Variants in KIF26B observed in about 807,000 individuals in gnomAD.
KIF26B encodes the protein kinesin-like protein KIF26B.
In KIF26B, 63 loss-of-function variants were observed where a neutral mutation model predicts 151.2. That is an observed-to-expected ratio of 0.42 (90% CI 0.34 to 0.51). KIF26B has a LOEUF of 0.51. Ranked by LOEUF, KIF26B falls within the 20% of genes least tolerant of loss-of-function variation. The pLI, the probability that KIF26B is intolerant of heterozygous loss-of-function variation, is 0.07. For synonymous variants in KIF26B, 1,357 were observed against 1,262.1 expected, an observed-to-expected ratio of 1.08 and a Z score of -1.59; for missense variants, 2,813 against 2,913.6, an observed-to-expected ratio of 0.97 and a Z score of 0.79.
chr1:245,566,923 A>G (rs1227241758), intron 5 of KIF26B, among the ~76,000 whole-genome samples: 2 of 148,952 alleles, frequency 1.3e-5, no homozygotes, highest in Non-Finnish European at 3.0e-5. Flanking sequence ...TGAGACTCCA[A>G]CTAAAATAAA....
intron 2 of KIF26B, among the ~76,000 whole-genome samples, chr1:245,324,062 G>A (rs12741591): frequency 2.4e-5 from 3 of 127,050 alleles, no homozygotes; most frequent in African/African-American, 9.4e-5. Context: ...GATGTGGGTG[G>A]TTGGAGGTGG....
intron 5 of KIF26B, among the ~76,000 whole-genome samples, chr1:245,590,860 C>T (rs2103136261): frequency 6.7e-6 from 1 of 149,260 alleles, no homozygotes; most frequent in African/African-American, 2.5e-5. Context: ...GTGAGCAGAG[C>T]TCACACCAGT....
At chr1:245,427,982 G>A (rs1658688404) in intron 4 of KIF26B, among the ~76,000 whole-genome samples, 2 of 152,158 alleles carry the variant, frequency 1.3e-5, no homozygotes, top group Admixed American at 6.5e-5. Context: ...AGCCAACACT[G>A]TGCCAGCCTG....
chr1:245,442,512 G>C (rs73132090), intron 4 of KIF26B, among the ~76,000 whole-genome samples: 19,164 of 152,140 alleles, frequency 0.13, 1,275 homozygotes, highest in African/African-American at 0.16. Flanking sequence ...AGTAAAGGAG[G>C]CAGGAAAGGG....
chr1:245,651,521 C>T (rs2044015080), intron 10 of KIF26B, among the ~76,000 whole-genome samples: 1 of 146,970 alleles, frequency 6.8e-6, no homozygotes, highest in African/African-American at 2.6e-5. Flanking sequence ...AACTGGAAAC[C>T]CAGTACTCAA....
At chr1:245,579,565 T>C (rs1161274002) in intron 5 of KIF26B, among the ~76,000 whole-genome samples, 1 of 151,958 alleles carries the variant, frequency 6.6e-6, no homozygotes, top group Admixed American at 6.6e-5. Context: ...ATCCCAGCAC[T>C]TTGGGAGGCT....
At chr1:245,274,978 C>T (rs1357119349) in intron 2 of KIF26B, among the ~76,000 whole-genome samples, 1 of 152,226 alleles carries the variant, frequency 6.6e-6, no homozygotes, top group Non-Finnish European at 1.5e-5. Context: ...ACATCCTCTC[C>T]AGCATCTATT....
At chr1:245,506,732 G>A (rs1257097995) in intron 4 of KIF26B, among the ~76,000 whole-genome samples, 1 of 152,234 alleles carries the variant, frequency 6.6e-6, no homozygotes, top group African/African-American at 2.4e-5. Flanking sequence ...CCAGGCTGGA[G>A]TGCAGTGGCA....
At position 245,611,944 on chromosome 1, in the gene KIF26B, A is replaced by G; in HGVS notation, c.2066A>G (p.Gln689Arg). 6.2e-7 allele frequency: 1 copy of G among 1,613,550 alleles called. No homozygotes were observed. ...SHVFFTLHIYQYRMEKSGKGG... is the reference protein window; with the variant it reads ...SHVFFTLHIYRYRMEKSGKGG... ...GTGTTCTTCACACTGCACATCTACC[A>G]GTACCGGATGGAGAAGAGCGGGAAA... is the stretch of plus-strand genomic sequence containing the variant. The change falls in exon 9 of 15, where the codon CAG (glutamine) becomes CGG (arginine). Residue 689 changes from glutamine (Q) to arginine (R), a missense_variant. By Grantham distance (43) the Gln-to-Arg change is conservative. Transcript: ENST00000407071.
chr1:245,226,107 G>C (rs933037820), intron 2 of KIF26B: 4 of 152,266 alleles, frequency 2.6e-5, no homozygotes, highest in Non-Finnish European at 4.4e-5. Flanking sequence ...TCCCCACGAG[G>C]GGCAGCAGCA....
At chr1:245,497,070 T>C (rs1048106713) in intron 4 of KIF26B, among the ~76,000 whole-genome samples, 1 of 151,744 alleles carries the variant, frequency 6.6e-6, no homozygotes, top group African/African-American at 2.4e-5. Flanking sequence ...GGAGAATTGC[T>C]TGAACCCTGG....
At chr1:245,610,311 C>T (rs755557675) in intron 8 of KIF26B, among the ~76,000 whole-genome samples, 1 of 152,190 alleles carries the variant, frequency 6.6e-6, no homozygotes, top group Non-Finnish European at 1.5e-5. Context: ...ATGCTCTTCC[C>T]CTGCTTAAAG....
At chr1:245,275,378 G>A (rs1427990213) in intron 2 of KIF26B, among the ~76,000 whole-genome samples, 1 of 152,104 alleles carries the variant, frequency 6.6e-6, no homozygotes, top group Non-Finnish European at 1.5e-5. Context: ...CATTGCTTTG[G>A]TGTTTTAGTC....
chr1:245,370,931 G>C (rs1464688476), intron 3 of KIF26B, among the ~76,000 whole-genome samples: 1 of 152,184 alleles, frequency 6.6e-6, no homozygotes, highest in Non-Finnish European at 1.5e-5. Context: ...CCTGGTTCCT[G>C]TCCTGAGGTC....
At chr1:245,210,045 G>A (rs1344285754) in intron 2 of KIF26B, among the ~76,000 whole-genome samples, 1 of 152,240 alleles carries the variant, frequency 6.6e-6, no homozygotes, top group Non-Finnish European at 1.5e-5. Context: ...AAATCCAGAG[G>A]CCAGGAAGGA....
In KIF26B at chr1:245,235,712, T is replaced by C. The variant is rs528523325; in HGVS notation, c.465+79029T>C. On this transcript the variant is annotated intron_variant, in intron 2 of 14. Transcript: ENST00000407071. ...AGGGAATAAGGGTTCAGAATATAGA[T>C]AGAAAGGAAAAGTCCACAGAAAACT... 4.5e-4 allele frequency among the ~76,000 whole-genome samples: 69 copies of C among 151,698 alleles called. 2 individuals are homozygous for C. The South Asian group carries it at 0.014, about 31-fold the overall frequency.
At position 245,540,292 on chromosome 1, in the gene KIF26B, T is replaced by C. The variant is rs1277875509; in HGVS notation, c.1167-475T>C. ...ACTGGGGCTTGTGTTTTTCTTCCAG[T>C]GCCCTGTACATAGCATGCCTTGACT... is the stretch of plus-strand genomic sequence containing the variant. On this transcript the variant is annotated intron_variant, in intron 4 of 14. Coordinates refer to ENST00000407071, the MANE Select transcript of KIF26B (RefSeq NM_018012.4). The surrounding 1 kb of genome is among the most constrained non-coding windows in gnomAD (Gnocchi z 4.6). Among the ~76,000 whole-genome samples the C allele has an allele frequency of 6.6e-6, 1 of 152,220 alleles. No homozygotes were observed. Among genetic ancestry groups the C allele is most frequent in the Non-Finnish European group, 1.5e-5 (1 of 68,030 alleles).
intron 2 of KIF26B, among the ~76,000 whole-genome samples, chr1:245,353,466 G>C (rs891822262): frequency 1.3e-5 from 2 of 152,220 alleles, no homozygotes; most frequent in Admixed American, 1.3e-4. Flanking sequence ...GGCACACACC[G>C]AGGAAGATTC....
chr1:245,210,944 T>C (rs1460898489), intron 2 of KIF26B, among the ~76,000 whole-genome samples: 1 of 152,228 alleles, frequency 6.6e-6, no homozygotes, highest in African/African-American at 2.4e-5. Flanking sequence ...CCACTGGCGA[T>C]GTTCTGTTCT....
Sources: gnomAD v4.1 joint callset for allele counts (sites outside exome capture counted in the v4.1 genomes callset) on GRCh38, gnomAD v4.1.1 for gene constraint, Gnocchi (gnomAD v3.1) non-coding constraint, MANE v1.5 for transcripts, NCBI Gene and HGNC (gene_info 2026-07-23, HGNC 2026-07-21) for gene names.